ZMYND11: variants seen among roughly 807,000 people sequenced by gnomAD.
ZMYND11 encodes the protein zinc finger MYND domain-containing protein 11.
In ZMYND11, 9 loss-of-function variants were observed where a neutral mutation model predicts 84.9. The ratio of observed to expected loss-of-function variants is 0.11; its 90% CI spans 0.06 to 0.18. The LOEUF is 0.18. ZMYND11 is among the 10% of genes least tolerant of loss of function. The pLI is 1.00. For missense variants in ZMYND11, 409 were observed against 761.0 expected, an observed-to-expected ratio of 0.54 and a Z score of 5.44; for synonymous variants, 250 against 244.1, an observed-to-expected ratio of 1.02 and a Z score of -0.23.
intron 2 of ZMYND11, among the ~76,000 whole-genome samples, chr10:190,581 T>C (rs972724142): frequency 7.9e-5 from 12 of 152,222 alleles, no homozygotes; most frequent in African/African-American, 2.9e-4. Context: ...GTTATGCTCT[T>C]AAAATTCTCT....
At chr10:144,880 A>G (rs1838372442) in intron 1 of ZMYND11, among the ~76,000 whole-genome samples, 1 of 149,810 alleles carries the variant, frequency 6.7e-6, no homozygotes, top group African/African-American at 2.4e-5. Flanking sequence ...AATATTTTTA[A>G]AATATTAAAT....
At chr10:136,054 CG>C (rs1835951635) in intron 1 of ZMYND11, among the ~76,000 whole-genome samples, 1 of 151,624 alleles carries the variant, frequency 6.6e-6, no homozygotes, top group African/African-American at 2.4e-5. Flanking sequence ...CCGGGAGCGG[CG>C]GGCAGGGCTG....
At chr10:220,060 C>G (rs1358758329) in intron 3 of ZMYND11, among the ~76,000 whole-genome samples, 2 of 152,104 alleles carry the variant, frequency 1.3e-5, no homozygotes, top group African/African-American at 2.4e-5. Flanking sequence ...ATGTTTGAAC[C>G]TAGTTTCCAA....
Position 252,395 on chromosome 10 carries a change from A to T in ZMYND11, c.1734A>T (p.Thr578=). 6.2e-7 allele frequency: 1 copy of T among 1,614,058 alleles called. No individual in the cohort carries two copies. Among genetic ancestry groups the T allele is most frequent in the Non-Finnish European group, 8.5e-7 (1 of 1,180,018 alleles). The part of the protein sequence containing the change: ...EEAMYHCCWN[T]SYCSIKCQQE... ...CCATGTACCACTGCTGCTGGAACAC[A>T]TCCTACTGCTCCATCAAGTGCCAGC... The change falls in exon 15 of 15, where the codon ACA becomes ACT. Residue 578 remains threonine, a synonymous_variant. Transcript: ENST00000381604. This position sits in a 1 kb window ranked among gnomAD's most constrained non-coding sequence, Gnocchi z 4.6.
At position 254,503 on chromosome 10, in the gene ZMYND11, T is replaced by C. The variant is rs1169200536; in HGVS notation, c.*2033T>C. On this transcript the variant is annotated 3_prime_UTR_variant, in exon 15 of 15. Coordinates refer to ENST00000381604, the MANE Select transcript of ZMYND11 (RefSeq NM_001370100.5). ...ATCGAGGTGTTGAGCTTAGCCACTA[T>C]GCACATTGTAATTATTCATTGTGGC... is the stretch of plus-strand genomic sequence containing the variant. The C allele has an allele frequency of 2.6e-5, 4 of 152,704 alleles. No individual in the cohort carries two copies. The East Asian group carries it at 7.7e-4, about 29-fold the overall frequency. 9.5% of individuals were successfully genotyped at this position (152,704 alleles called of 1,614,324 possible). A position where few individuals can be genotyped will look rare whatever the true frequency, so the allele number is the denominator to read the frequency against.
chr10:202,915 T>A (rs1466425759), intron 2 of ZMYND11, among the ~76,000 whole-genome samples: 1 of 152,120 alleles, frequency 6.6e-6, no homozygotes, highest in Non-Finnish European at 1.5e-5. Context: ...AAACCCATTG[T>A]GTGGTGAAAG....
chr10:207,195 T>G (rs1273217087), intron 2 of ZMYND11, among the ~76,000 whole-genome samples: 1 of 152,218 alleles, frequency 6.6e-6, no homozygotes, highest in Non-Finnish European at 1.5e-5. Flanking sequence ...TGCATAGTAT[T>G]CCATGGTGTA....
At chr10:139,228 T>C (rs1460748952) in intron 1 of ZMYND11, among the ~76,000 whole-genome samples, 1 of 152,240 alleles carries the variant, frequency 6.6e-6, no homozygotes, top group Non-Finnish European at 1.5e-5. Context: ...TTAATATTTT[T>C]CTGTTTTTCA....
chr10:165,517 G>C (rs1384549143), intron 1 of ZMYND11, among the ~76,000 whole-genome samples: 1 of 152,070 alleles, frequency 6.6e-6, no homozygotes, highest in African/African-American at 2.4e-5. Context: ...AACTTAGTCT[G>C]TCTGAAACCA....
rs577140444 is a variant in ZMYND11, at chr10:231,822, G to A, written c.439-5016G>A. On this transcript the variant is annotated intron_variant, in intron 4 of 14. Coordinates refer to ENST00000381604, the MANE Select transcript of ZMYND11 (RefSeq NM_001370100.5). ...CCCCAACATCTGCTTTAGTTCTTAC[G>A]CAAACGTCTACAACCCTGCTTCAGA... is the stretch of plus-strand genomic sequence containing the variant. 2.6e-5 allele frequency among the ~76,000 whole-genome samples: 4 copies of A among 152,210 alleles called. No individual in the cohort carries two copies. The South Asian group carries it at 6.2e-4, about 24-fold the overall frequency.
chr10:196,995 T>C (rs1941923543), intron 2 of ZMYND11, among the ~76,000 whole-genome samples: 1 of 151,268 alleles, frequency 6.6e-6, no homozygotes, highest in Non-Finnish European at 1.5e-5. Flanking sequence ...TTCATGTATG[T>C]GTATCAATAC....
chr10:236,257 G>T (rs144906165), intron 4 of ZMYND11, among the ~76,000 whole-genome samples: 374 of 152,252 alleles, frequency 2.5e-3, no homozygotes, highest in African/African-American at 7.7e-3. Flanking sequence ...TTTTCTTCAT[G>T]TGAAGTTAGA....
chr10:151,547 G>A (rs973270182), intron 1 of ZMYND11, among the ~76,000 whole-genome samples: 3 of 152,128 alleles, frequency 2.0e-5, no homozygotes. Flanking sequence ...CAAAGTCTTC[G>A]AGAAATATGG....
intron 4 of ZMYND11, among the ~76,000 whole-genome samples, chr10:228,547 G>T (rs1049151927): frequency 6.6e-6 from 1 of 152,200 alleles, no homozygotes; most frequent in Non-Finnish European, 1.5e-5. Flanking sequence ...GCGATGAGAG[G>T]GAGTGGGAAG....
chr10:181,831 T>A (rs1021780542), intron 2 of ZMYND11, among the ~76,000 whole-genome samples: 1 of 152,186 alleles, frequency 6.6e-6, no homozygotes, highest in East Asian at 1.9e-4. Flanking sequence ...TTATTTTAAT[T>A]ATTATGCTTT....
chr10:179,809 A>G (rs1847451914), intron 1 of ZMYND11, among the ~76,000 whole-genome samples, 185 bp from the exon 2 acceptor site: 1 of 152,176 alleles, frequency 6.6e-6, no homozygotes, highest in African/African-American at 2.4e-5. Flanking sequence ...TCATGATGTA[A>G]TGAAATGAAT....
At chr10:178,751 C>T (rs911934434) in intron 1 of ZMYND11, among the ~76,000 whole-genome samples, 1 of 152,158 alleles carries the variant, frequency 6.6e-6, no homozygotes, top group Non-Finnish European at 1.5e-5. Context: ...TACCTTTAAA[C>T]ATGTTCAAAA....
At chr10:241,077 G>C in intron 9 of ZMYND11, 107 bp downstream of exon 9, 1 of 789,428 alleles carries the variant, frequency 1.3e-6, no homozygotes, top group East Asian at 2.7e-5. Flanking sequence ...AAATATCATA[G>C]TATATATGGG....
In ZMYND11 at chr10:189,274, T is replaced by G. The variant is rs189464052; in HGVS notation, c.116+9146T>G. 9.2e-5 allele frequency among the ~76,000 whole-genome samples: 14 copies of G among 152,376 alleles called. No individual in the cohort carries two copies. The East Asian group carries it at 1.9e-3, about 21-fold the overall frequency. On this transcript the variant is annotated intron_variant, in intron 2 of 14. Transcript: ENST00000381604. ...TGAAATTTCAACTAGGTACACATTA[T>G]TTCTTTAACTTTTTGAAAACACTTT...
Sources: gnomAD v4.1 joint callset for allele counts (sites outside exome capture counted in the v4.1 genomes callset) on GRCh38, gnomAD v4.1.1 for gene constraint, Gnocchi (gnomAD v3.1) non-coding constraint, MANE v1.5 for transcripts, NCBI Gene and HGNC (gene_info 2026-07-23, HGNC 2026-07-21) for gene names.